FRMPD2: variants seen among roughly 807,000 people sequenced by gnomAD.
The protein encoded by FRMPD2 is FERM and PDZ domain containing 2.
A neutral mutation model predicts 140.1 loss-of-function variants in FRMPD2; 96 were observed. The observed-to-expected ratio is 0.69, with a 90% CI of 0.58 to 0.81. The LOEUF is 0.81. Among genes scored for constraint, FRMPD2 ranks in the 40% least tolerant of loss-of-function variants. The pLI is 0.00. For missense variants in FRMPD2, 1,240 were observed against 1,447.4 expected (o/e 0.86, Z 2.32); for synonymous variants, 449 against 547.6 (o/e 0.82, Z 2.52).
intron 13 of FRMPD2, among the ~76,000 whole-genome samples, chr10:48,210,526 C>T (rs973710867): frequency 6.6e-6 from 1 of 152,164 alleles, no homozygotes; most frequent in Admixed American, 6.5e-5. Context: ...AGACATCTGC[C>T]GCAGGGTTGG....
chr10:48,224,365 G>T (rs992901391), intron 10 of FRMPD2, among the ~76,000 whole-genome samples: 3 of 152,194 alleles, frequency 2.0e-5, no homozygotes, highest in Admixed American at 2.0e-4. Flanking sequence ...CTAGCAGCTT[G>T]CCTGGGCACA....
chr10:48,263,389 A>C (rs759407309), intron 1 of FRMPD2, among the ~76,000 whole-genome samples: 1 of 151,992 alleles, frequency 6.6e-6, no homozygotes, highest in Non-Finnish European at 1.5e-5. Flanking sequence ...ATTATTTGAA[A>C]ACAACAACAA....
At chr10:48,268,756 A>G (rs1162681670) in intron 1 of FRMPD2, among the ~76,000 whole-genome samples, 1 of 151,850 alleles carries the variant, frequency 6.6e-6, no homozygotes, top group African/African-American at 2.4e-5. Context: ...ATAGTTTTGT[A>G]TCTTGATTGT....
chr10:48,224,844 A>G (rs1839686974), intron 10 of FRMPD2, among the ~76,000 whole-genome samples: 1 of 152,214 alleles, frequency 6.6e-6, no homozygotes, highest in South Asian at 2.1e-4. Context: ...ATTGCATTTT[A>G]TGGATCAATA....
intron 16 of FRMPD2, among the ~76,000 whole-genome samples, chr10:48,190,424 C>T (rs1838801901): frequency 6.6e-6 from 1 of 152,204 alleles, no homozygotes; most frequent in Admixed American, 6.5e-5. Context: ...TCTAGGAGGC[C>T]TCTGCACACC....
intron 10 of FRMPD2, among the ~76,000 whole-genome samples, chr10:48,229,111 GTTAATA>G (rs1029137544): frequency 2.0e-5 from 3 of 151,992 alleles, no homozygotes; most frequent in African/African-American, 4.8e-5. Flanking sequence ...AGCCTCTACT[GTTAATA>G]TTAATATGTT....
At chr10:48,249,315 C>T in intron 2 of FRMPD2, 137 bp from the exon 3 acceptor site, 1 of 761,500 alleles carries the variant, frequency 1.3e-6, no homozygotes, top group Non-Finnish European at 2.1e-6. Context: ...AGACATGGAA[C>T]AGAATAAATT....
intron 15 of FRMPD2, among the ~76,000 whole-genome samples, chr10:48,194,015 T>C (rs985295840): frequency 1.3e-5 from 2 of 152,246 alleles, no homozygotes; most frequent in African/African-American, 4.8e-5. Flanking sequence ...GTAAATTAAA[T>C]GTGACCTGCA....
chr10:48,239,479 A>G, intron 7 of FRMPD2, 126 bp downstream of exon 7: 1 of 621,288 alleles, frequency 1.6e-6, no homozygotes, highest in South Asian at 2.4e-5. Context: ...TTAATGGAAT[A>G]GCATTGGCAT....
rs1222247139 is a variant in FRMPD2, at chr10:48,223,145, C to T, written c.1294G>A (p.Val432Ile). 7 of 1,613,756 alleles carry T rather than the reference C, an allele frequency of 4.3e-6. No homozygotes were observed. Among genetic ancestry groups the T allele is most frequent in the Non-Finnish European group, 5.9e-6 (7 of 1,179,866 alleles). The change falls in exon 11 of 29, where the codon GTC becomes ATC. Residue 432 changes from valine (V) to isoleucine (I), a missense_variant. Transcript: ENST00000374201. ...FTLFLRIKFF[V>I]SHYGLLQHSL... ...CACTGGAGCAGCCCATAGTGGCTGA[C>T]AAAGAACTTTATCCTCAGGAAGAGT...
intron 1 of FRMPD2, among the ~76,000 whole-genome samples, chr10:48,260,014 A>G (rs752211599): frequency 3.9e-5 from 6 of 152,204 alleles, no homozygotes; most frequent in Non-Finnish European, 8.8e-5. Context: ...ACCAATATAT[A>G]ATATTGGACA....
chr10:48,200,201 A>AAAAAAAAC, intron 15 of FRMPD2, among the ~76,000 whole-genome samples: 1 of 146,686 alleles, frequency 6.8e-6, no homozygotes, highest in Non-Finnish European at 1.5e-5. Flanking sequence ...AATAAATAAA[A>AAAAAAAAC]CAGAGCCAAG....
intron 16 of FRMPD2, among the ~76,000 whole-genome samples, chr10:48,191,859 A>G (rs962967327): frequency 6.6e-6 from 1 of 152,236 alleles, no homozygotes; most frequent in African/African-American, 2.4e-5. Flanking sequence ...AATTTAAATG[A>G]TAAGAAACTC....
intron 16 of FRMPD2, among the ~76,000 whole-genome samples, chr10:48,192,271 G>A (rs898234113): frequency 6.6e-6 from 1 of 152,056 alleles, no homozygotes; most frequent in African/African-American, 2.4e-5. Flanking sequence ...ACTTTTCCTA[G>A]ACATCTAACA....
intron 14 of FRMPD2, chr10:48,201,634 G>A: frequency 3.0e-6 from 1 of 331,640 alleles, no homozygotes. Context: ...GAGTGTGCTG[G>A]GTGAGAAGAA....
intron 4 of FRMPD2, among the ~76,000 whole-genome samples, chr10:48,243,703 G>A (rs893037483): frequency 2.0e-5 from 3 of 152,116 alleles, no homozygotes; most frequent in African/African-American, 7.2e-5. Context: ...GTTACAAAAG[G>A]TTGCATGTGA....
At chr10:48,266,668 A>G (rs1442889465) in intron 1 of FRMPD2, among the ~76,000 whole-genome samples, 1 of 152,262 alleles carries the variant, frequency 6.6e-6, no homozygotes, top group Non-Finnish European at 1.5e-5. Context: ...AATGAGGCAC[A>G]GTCATTTCTT....
rs1838552926 is a variant in FRMPD2, at chr10:48,181,717, T to C, written c.2585-709A>G. The stretch of plus-strand genomic sequence containing the variant: ...TAACATAACTGAACCTAAATTTTCC[T>C]GTATCTAAAGTAGAGATAATATCAA... On this transcript the variant is annotated intron_variant, in intron 20 of 28. Transcript: ENST00000374201. Among the ~76,000 whole-genome samples the C allele has an allele frequency of 2.0e-5, 3 of 151,952 alleles. 1 individual carries two copies.
At chr10:48,228,410 T>C (rs1839773426) in intron 10 of FRMPD2, among the ~76,000 whole-genome samples, 2 of 151,902 alleles carry the variant, frequency 1.3e-5, no homozygotes, top group African/African-American at 2.4e-5. Flanking sequence ...ATTCATTTAA[T>C]AGACCACTTC....
Sources: gnomAD v4.1 joint callset for allele counts (sites outside exome capture counted in the v4.1 genomes callset) on GRCh38, gnomAD v4.1.1 for gene constraint, MANE v1.5 for transcripts, NCBI Gene and HGNC (gene_info 2026-07-23, HGNC 2026-07-21) for gene names.